KLHL18: variants seen among roughly 807,000 people sequenced by gnomAD.
The protein encoded by KLHL18 is kelch-like protein 18.
In KLHL18, 38 loss-of-function variants were observed where a neutral mutation model predicts 58.5. The observed-to-expected ratio is 0.65, with a 90% CI of 0.50 to 0.85. KLHL18 has a LOEUF of 0.85. KLHL18 is among the 40% of genes least tolerant of loss of function. The pLI is 0.00. For synonymous variants in KLHL18, 303 were observed against 301.9 expected (o/e 1.00, Z -0.04); for missense variants, 624 against 778.4 (o/e 0.80, Z 2.36).
intron 1 of KLHL18, among the ~76,000 whole-genome samples, chr3:47,312,852 G>T (rs1703334506): frequency 6.7e-6 from 1 of 150,088 alleles, no homozygotes; most frequent in South Asian, 2.1e-4. Context: ...TGAGATAATT[G>T]TAGAATCACA....
intron 1 of KLHL18, among the ~76,000 whole-genome samples, chr3:47,299,697 C>T (rs1283799486): frequency 1.3e-5 from 2 of 151,706 alleles, no homozygotes; most frequent in Non-Finnish European, 2.9e-5. Context: ...TGTTGTGGCA[C>T]ATGCCTGTAG....
intron 1 of KLHL18, among the ~76,000 whole-genome samples, chr3:47,284,337 C>CTTTTTTTTTTTTTTTTTTTT (rs767276527): frequency 7.9e-6 from 1 of 127,146 alleles, no homozygotes. Flanking sequence ...TTTCTTTTTT[C>CTTTTTTTTTTTTTTTTTTTT]TTTTTTTTTT....
chr3:47,293,493 A>C (rs904991664), intron 1 of KLHL18, among the ~76,000 whole-genome samples: 1 of 152,200 alleles, frequency 6.6e-6, no homozygotes, highest in South Asian at 2.1e-4. Flanking sequence ...TAAGAGTCAA[A>C]TTGTATTAGT....
rs770820819 is a variant in KLHL18, at chr3:47,334,829, G to C, written c.898+10G>C. 9 of 1,607,108 alleles carry C rather than the reference G, an allele frequency of 5.6e-6. No homozygotes were observed. The East Asian group carries it at 2.0e-4, about 36-fold the overall frequency. On this transcript the variant is annotated intron_variant, in intron 6 of 9. Coordinates refer to ENST00000232766, the MANE Select transcript of KLHL18 (RefSeq NM_025010.5). This position sits in a 1 kb window ranked among gnomAD's most constrained non-coding sequence, Gnocchi z 4.7. Reference sequence around the variant, plus strand: ...GGCCTCAACTCAGCAGGTACCTTGCGGCTCCCCTTTATAGACCCTCCTCTT... The same window carrying C: ...GGCCTCAACTCAGCAGGTACCTTGCCGCTCCCCTTTATAGACCCTCCTCTT...
chr3:47,291,592 G>C (rs770229005), intron 1 of KLHL18, among the ~76,000 whole-genome samples: 1 of 152,210 alleles, frequency 6.6e-6, no homozygotes, highest in Non-Finnish European at 1.5e-5. Context: ...GTGTGGCTGT[G>C]TTCCAGTGAA....
Position 47,344,199 on chromosome 3 carries a change from G to A in KLHL18, c.*258G>A, listed in dbSNP as rs1184549349. ...GCTGGTGACATGGAACTGTTTTCTG[G>A]TCCACATGAACACAGGCTCCATCCA... On this transcript the variant is annotated 3_prime_UTR_variant, in exon 10 of 10. Transcript: ENST00000232766. 7.6e-6 allele frequency: 4 copies of A among 525,476 alleles called. No homozygotes were observed. In the African/African-American group the frequency reaches 7.7e-5, roughly 10 times the overall value. 32.6% of individuals were successfully genotyped at this position (525,476 alleles called of 1,614,324 possible).
rs1019064001 is a variant in KLHL18 at position 47,297,417 on chromosome 3, A to G, written c.129+14323A>G. On this transcript the variant is annotated intron_variant, in intron 1 of 9. Transcript: ENST00000232766. ...ATCCCCCTGACTTCCATTTCCTTAT[A>G]TGCCATCTTGTTAGAAACCCACAAA... The G allele has an allele frequency of 1.2e-4, 44 of 366,342 alleles. 1 individual carries two copies. The highest frequency in any genetic ancestry group is 2.1e-4 in the African/African-American group (10 of 47,176). The allele number at this position is 366,342 out of a possible 1,614,324, so 22.7% of individuals were successfully genotyped here.
chr3:47,336,862 C>A, intron 7 of KLHL18, 105 bp downstream of exon 7: 1 of 924,336 alleles, frequency 1.1e-6, no homozygotes, highest in Non-Finnish European at 1.7e-6. Context: ...AAGCTTTGGC[C>A]TGGGAGTTTC....
intron 1 of KLHL18, among the ~76,000 whole-genome samples, chr3:47,294,249 GT>G (rs900780565): frequency 2.0e-5 from 3 of 152,108 alleles, no homozygotes; most frequent in African/African-American, 7.2e-5. Flanking sequence ...TTCTCATTTC[GT>G]TTTCATTCAG....
intron 1 of KLHL18, among the ~76,000 whole-genome samples, chr3:47,311,969 G>A (rs1703312146): frequency 1.3e-5 from 2 of 152,222 alleles, no homozygotes; most frequent in South Asian, 4.1e-4. Flanking sequence ...TAGAAGCCAA[G>A]GGGCATGAAT....
intron 1 of KLHL18, among the ~76,000 whole-genome samples, chr3:47,299,981 G>A (rs60155495): frequency 9.9e-5 from 15 of 151,382 alleles, no homozygotes; most frequent in Admixed American, 2.0e-4. Flanking sequence ...GTATATTTTG[G>A]ATTTGCTAGC....
chr3:47,328,602 T>G (rs965272124), intron 3 of KLHL18, among the ~76,000 whole-genome samples: 5 of 152,038 alleles, frequency 3.3e-5, no homozygotes, highest in African/African-American at 1.2e-4. Context: ...CAGGCTACCG[T>G]GGGAATGTGC....
intron 1 of KLHL18, among the ~76,000 whole-genome samples, chr3:47,291,849 T>C (rs1318378448): frequency 6.6e-6 from 1 of 152,246 alleles, no homozygotes; most frequent in Non-Finnish European, 1.5e-5. Context: ...TACTGATTAG[T>C]AAGTGAGTAA....
intron 1 of KLHL18, among the ~76,000 whole-genome samples, chr3:47,284,946 G>T (rs1431770307): frequency 1.3e-5 from 2 of 152,042 alleles, no homozygotes; most frequent in Non-Finnish European, 2.9e-5. Flanking sequence ...AGCCTCCCAA[G>T]TAGCTGGGAC....
At position 47,322,627 on chromosome 3, in the gene KLHL18, A is replaced by G; in HGVS notation, c.320A>G (p.Asn107Ser). The change falls in exon 3 of 10, where the codon AAT becomes AGT. Residue 107 changes from asparagine (N) to serine (S), a missense_variant. Physicochemically the swap from Asn to Ser is conservative, Grantham distance 46. Transcript: ENST00000232766. ...YNGNLAIDQQNVQSLLMGASF... is the reference protein window; with the variant it reads ...YNGNLAIDQQSVQSLLMGASF... ...GGCAACCTTGCCATTGACCAGCAAAATGTCCAGTCATTGCTGATGGGGGCG... is the reference window on the plus strand; with the variant it reads ...GGCAACCTTGCCATTGACCAGCAAAGTGTCCAGTCATTGCTGATGGGGGCG... 4 of 1,604,962 alleles carry G rather than the reference A, an allele frequency of 2.5e-6. No individual in the cohort carries two copies. Among genetic ancestry groups the G allele is most frequent in the Non-Finnish European group, 3.4e-6 (4 of 1,176,148 alleles).
chr3:47,289,749 C>G (rs566099460), intron 1 of KLHL18, among the ~76,000 whole-genome samples: 1 of 152,060 alleles, frequency 6.6e-6, no homozygotes, highest in Non-Finnish European at 1.5e-5. Flanking sequence ...TGAACGACTG[C>G]ACTGCAGCCT....
At position 47,283,034 on chromosome 3, in the gene KLHL18, C is replaced by A. The variant is rs566036830; in HGVS notation, c.69C>A (p.Arg23=). 16 of 1,603,894 alleles carry A rather than the reference C, an allele frequency of 1.0e-5. No homozygotes were observed. In the South Asian group the frequency reaches 1.6e-4, roughly 16 times the overall value. Residue 23 remains arginine (R), a synonymous_variant, in exon 1 of 10, where the codon CGC becomes CGA. Coordinates refer to ENST00000232766, the MANE Select transcript of KLHL18 (RefSeq NM_025010.5). The part of the protein sequence containing the change: ...VHFSVSELPS[R]GYGVMEEIRR... ...TCTCCGTGTCTGAGTTGCCTAGTCG[C>A]GGCTACGGCGTCATGGAGGAGATCC...
At chr3:47,309,497 A>C (rs1321344498) in intron 1 of KLHL18, among the ~76,000 whole-genome samples, 1 of 147,554 alleles carries the variant, frequency 6.8e-6, no homozygotes, top group African/African-American at 2.6e-5. Context: ...CAGACGAGAG[A>C]TGCTCCTCAC....
At chr3:47,306,365 A>G (rs1054885118) in intron 1 of KLHL18, among the ~76,000 whole-genome samples, 4 of 152,160 alleles carry the variant, frequency 2.6e-5, no homozygotes, top group Admixed American at 2.6e-4. Flanking sequence ...TGTATCAAAT[A>G]TTGCATAATG....
Sources: allele counts gnomAD v4.1 joint callset (sites outside exome capture counted in the v4.1 genomes callset), GRCh38; gene constraint gnomAD v4.1.1; non-coding constraint Gnocchi (gnomAD v3.1); transcripts MANE v1.5; gene names NCBI Gene and HGNC (gene_info 2026-07-23, HGNC 2026-07-21).